NSMCE2: variants seen among roughly 807,000 people sequenced by gnomAD.
The protein encoded by NSMCE2 is E3 SUMO-protein ligase NSE2.
A neutral mutation model predicts 23.8 loss-of-function variants in NSMCE2; 24 were observed. The observed-to-expected ratio is 1.01, with a 90% CI of 0.73 to 1.42. The LOEUF (loss-of-function observed/expected upper bound fraction) is 1.42. Among genes scored for constraint, NSMCE2 ranks in the 40% most tolerant of loss-of-function variants. The probability of loss-of-function intolerance (pLI) is 0.00; values close to 1 mark genes in which losing one functional copy is unlikely to be tolerated. For synonymous variants in NSMCE2, 92 were observed against 94.1 expected, an observed-to-expected ratio of 0.98 and a Z score of 0.13; for missense variants, 284 against 296.5, an observed-to-expected ratio of 0.96 and a Z score of 0.31.
intron 4 of NSMCE2, among the ~76,000 whole-genome samples, chr8:125,152,290 G>A (rs1369335486): frequency 1.3e-5 from 2 of 152,214 alleles, no homozygotes; most frequent in African/African-American, 4.8e-5. Flanking sequence ...AAATATGACA[G>A]TGCCGTTATG....
chr8:125,269,830 C>G (rs966653679), intron 5 of NSMCE2, among the ~76,000 whole-genome samples: 1 of 152,168 alleles, frequency 6.6e-6, no homozygotes, highest in African/African-American at 2.4e-5. Context: ...GCTCAAGAGC[C>G]TTTTACCAAG....
At chr8:125,328,816 C>T (rs556283785) in intron 5 of NSMCE2, among the ~76,000 whole-genome samples, 1 of 150,836 alleles carries the variant, frequency 6.6e-6, no homozygotes, top group Admixed American at 6.7e-5. Flanking sequence ...GAGTTATAAT[C>T]TTAAAATGTC....
intron 5 of NSMCE2, among the ~76,000 whole-genome samples, chr8:125,315,870 A>G (rs1829160197): frequency 6.6e-6 from 1 of 151,866 alleles, no homozygotes; most frequent in Non-Finnish European, 1.5e-5. Flanking sequence ...TGGTGCAGTC[A>G]CAGCTCACGG....
chr8:125,174,272 A>G (rs1175093932), intron 4 of NSMCE2, among the ~76,000 whole-genome samples: 1 of 152,176 alleles, frequency 6.6e-6, no homozygotes. Context: ...AATATCTCCA[A>G]GGCCTAGCAT....
At chr8:125,240,474 T>C (rs931119816) in intron 5 of NSMCE2, among the ~76,000 whole-genome samples, 1 of 152,226 alleles carries the variant, frequency 6.6e-6, no homozygotes, top group African/African-American at 2.4e-5. Flanking sequence ...TACTTTATAA[T>C]GAAGCCAATC....
chr8:125,298,973 T>A (rs545202047), intron 5 of NSMCE2, among the ~76,000 whole-genome samples: 5 of 152,308 alleles, frequency 3.3e-5, no homozygotes, highest in African/African-American at 1.2e-4. Context: ...CTTGCCCCCA[T>A]TTATTGCTGA....
chr8:125,161,316 A>G (rs1277307412), intron 4 of NSMCE2, among the ~76,000 whole-genome samples: 2 of 152,184 alleles, frequency 1.3e-5, no homozygotes, highest in Non-Finnish European at 2.9e-5. Flanking sequence ...AAAAAAGTCT[A>G]ATAATACAGC....
chr8:125,325,797 T>G (rs1191154563), intron 5 of NSMCE2, among the ~76,000 whole-genome samples: 3 of 151,854 alleles, frequency 2.0e-5, no homozygotes, highest in Non-Finnish European at 4.4e-5. Context: ...ACTAAAAATA[T>G]AAAAGTTAAC....
chr8:125,294,376 C>T (rs1828240546), intron 5 of NSMCE2, among the ~76,000 whole-genome samples: 1 of 133,208 alleles, frequency 7.5e-6, no homozygotes, highest in Admixed American at 7.3e-5. Flanking sequence ...TTAGGAACTG[C>T]CAGACTTTTC....
intron 5 of NSMCE2, among the ~76,000 whole-genome samples, chr8:125,271,681 A>C (rs1285289977): frequency 6.6e-6 from 1 of 152,196 alleles, no homozygotes; most frequent in Non-Finnish European, 1.5e-5. Flanking sequence ...ATCAGGTTTC[A>C]TAGGCAGGAG....
chr8:125,198,656 T>G (rs1823734311), intron 5 of NSMCE2, among the ~76,000 whole-genome samples: 1 of 152,170 alleles, frequency 6.6e-6, no homozygotes, highest in South Asian at 2.1e-4. Flanking sequence ...TCTCTTTTTT[T>G]GTTGTGTCTC....
chr8:125,268,266 G>A (rs1002275846), intron 5 of NSMCE2, among the ~76,000 whole-genome samples: 4 of 151,754 alleles, frequency 2.6e-5, no homozygotes, highest in African/African-American at 9.7e-5. Flanking sequence ...TTTTTGAGAA[G>A]GTCAACATTT....
intron 3 of NSMCE2, among the ~76,000 whole-genome samples, chr8:125,115,949 G>A (rs79429017): frequency 0.022 from 3,283 of 152,252 alleles, 127 homozygotes; most frequent in African/African-American, 0.075. Flanking sequence ...TCCACAGAAG[G>A]GGAAATTAGG....
intron 3 of NSMCE2, among the ~76,000 whole-genome samples, chr8:125,128,742 C>A (rs565515032): frequency 8.5e-4 from 130 of 152,314 alleles, no homozygotes; most frequent in Non-Finnish European, 1.3e-3. Context: ...CATCTTCCAT[C>A]TTCAAACCTG....
intron 4 of NSMCE2, among the ~76,000 whole-genome samples, chr8:125,152,274 A>G (rs1401830281): frequency 1.3e-5 from 2 of 152,194 alleles, no homozygotes; most frequent in Non-Finnish European, 2.9e-5. Flanking sequence ...TATTTCTTCC[A>G]TAGGAAAATA....
At chr8:125,101,327 G>T (rs755454890) in intron 1 of NSMCE2, among the ~76,000 whole-genome samples, 1 of 152,176 alleles carries the variant, frequency 6.6e-6, no homozygotes, top group Non-Finnish European at 1.5e-5. Flanking sequence ...ATACTACACA[G>T]TTCCCCACTT....
intron 5 of NSMCE2, among the ~76,000 whole-genome samples, chr8:125,223,344 C>A (rs1035796889): frequency 8.5e-5 from 13 of 152,196 alleles, no homozygotes; most frequent in Non-Finnish European, 7.4e-5. Flanking sequence ...GGCAACAGAG[C>A]AAGACCCTGT....
At chr8:125,117,350 G>A (rs1404954336) in intron 3 of NSMCE2, among the ~76,000 whole-genome samples, 2 of 151,990 alleles carry the variant, frequency 1.3e-5, no homozygotes, top group Non-Finnish European at 2.9e-5. Flanking sequence ...GCCTCCCAAA[G>A]TGCTAGGATT....
At chr8:125,326,966 A>AAG (rs1436859170) in intron 5 of NSMCE2, among the ~76,000 whole-genome samples, 1 of 147,056 alleles carries the variant, frequency 6.8e-6, no homozygotes, top group African/African-American at 2.5e-5. Context: ...CAAAAAAAAA[A>AAG]AGAGAGAGAG....
Sources: gnomAD v4.1 joint callset for allele counts (sites outside exome capture counted in the v4.1 genomes callset) on GRCh38, gnomAD v4.1.1 for gene constraint, MANE v1.5 for transcripts, NCBI Gene and HGNC (gene_info 2026-07-23, HGNC 2026-07-21) for gene names.